The following CHST9 variants were observed in gnomAD, a reference collection of about 807,000 sequenced individuals.
CHST9 encodes the protein carbohydrate sulfotransferase 9.
In CHST9, 41 loss-of-function variants were observed where a neutral mutation model predicts 44.4. The ratio of observed to expected loss-of-function variants is 0.92; its 90% confidence interval spans 0.72 to 1.20. The LOEUF (loss-of-function observed/expected upper bound fraction) is 1.20, where lower values mean the gene tolerates loss of function less well. Among genes scored for constraint, CHST9 ranks in the 50% most tolerant of loss-of-function variants. The pLI, the probability that CHST9 is intolerant of heterozygous loss-of-function variation, is 0.00. For synonymous variants in CHST9, 171 were observed against 178.4 expected (o/e 0.96, Z 0.33); for missense variants, 504 against 516.5 (o/e 0.98, Z 0.23).
intron 1 of CHST9, among the ~76,000 whole-genome samples, chr18:27,180,859 A>G (rs2058906472): frequency 6.6e-6 from 1 of 152,192 alleles, no homozygotes. Context: ...AAGTGTATAT[A>G]AAATTTATCC....
intron 2 of CHST9, among the ~76,000 whole-genome samples, chr18:27,074,368 T>A (rs184161242): frequency 1.1e-4 from 16 of 152,356 alleles, no homozygotes; most frequent in African/African-American, 3.8e-4. Flanking sequence ...ATGACTGGTA[T>A]GAGTTTTCAA....
intron 4 of CHST9, among the ~76,000 whole-genome samples, chr18:26,970,931 C>T (rs531974454): frequency 1.3e-5 from 2 of 152,270 alleles, no homozygotes; most frequent in Admixed American, 6.5e-5. Context: ...AATGTTGTTC[C>T]TTCTGGCAGA....
intron 2 of CHST9, among the ~76,000 whole-genome samples, chr18:27,110,394 C>G (rs971209478): frequency 2.0e-5 from 3 of 152,114 alleles, no homozygotes; most frequent in Non-Finnish European, 2.9e-5. Context: ...CCAGAAGTAT[C>G]TAACTCAAAC....
At chr18:26,967,635 C>T (rs2056484182) in intron 4 of CHST9, among the ~76,000 whole-genome samples, 1 of 152,092 alleles carries the variant, frequency 6.6e-6, no homozygotes, top group Admixed American at 6.6e-5. Flanking sequence ...CGGTTAAATT[C>T]TTAGAAGTGG....
At chr18:27,028,078 G>A (rs1167628491) in intron 3 of CHST9, among the ~76,000 whole-genome samples, 1 of 152,064 alleles carries the variant, frequency 6.6e-6, no homozygotes, top group African/African-American at 2.4e-5. Flanking sequence ...ACCATGCCCA[G>A]CTAATTTTTG....
rs560192257 is a variant in CHST9 at position 26,985,878 on chromosome 18, G to C, written c.202+38238C>G. Among the ~76,000 whole-genome samples, 4 of 152,310 alleles carry C rather than the reference G, an allele frequency of 2.6e-5. No homozygotes were observed. In the South Asian group the frequency reaches 8.3e-4, roughly 32 times the overall value. On this transcript the variant is annotated intron_variant, in intron 4 of 5. Coordinates refer to ENST00000618847, the MANE Select transcript of CHST9 (RefSeq NM_031422.6). The stretch of plus-strand genomic sequence containing the variant: ...ATGCAAAAATCTTCCCAATGTTCGA[G>C]AAGGTCCTGCCTCAGTGTTAATTAG...
At chr18:27,157,834 A>T (rs1036416552) in intron 1 of CHST9, among the ~76,000 whole-genome samples, 1 of 152,162 alleles carries the variant, frequency 6.6e-6, no homozygotes, top group African/African-American at 2.4e-5. Flanking sequence ...ACTGCATTGT[A>T]AAATTTTAAG....
intron 4 of CHST9, among the ~76,000 whole-genome samples, chr18:27,006,897 A>G (rs2057023380): frequency 6.6e-6 from 1 of 152,192 alleles, no homozygotes; most frequent in South Asian, 2.1e-4. Context: ...TGGCAATATC[A>G]AACACAGCAT....
chr18:26,930,966 G>C (rs1322846252), intron 5 of CHST9: 1 of 151,916 alleles, frequency 6.6e-6, no homozygotes, highest in Non-Finnish European at 1.5e-5. Context: ...GGAGAGGGGA[G>C]CTGTTTCTGC....
Position 27,024,126 on chromosome 18 carries a change from T to C in CHST9, c.192A>G (p.Val64=). Residue 64 remains valine, a synonymous_variant, in exon 4 of 6, where the codon GTA becomes GTG. Coordinates refer to ENST00000618847, the MANE Select transcript of CHST9 (RefSeq NM_031422.6). ...GWGPVKYLRP[V]PRIMSTEKIQ... ...GAGGAAGTTACTCACTGATTCTGGG[T>C]ACAGGCCGCAAGTACTTCACTGGTC... The C allele has an allele frequency of 6.2e-7, 1 of 1,612,588 alleles. No individual in the cohort carries two copies. The highest frequency in any genetic ancestry group is 1.1e-5 in the South Asian group (1 of 90,730).
intron 4 of CHST9, among the ~76,000 whole-genome samples, chr18:27,014,945 T>TG (rs2057133602): frequency 6.6e-6 from 1 of 152,148 alleles, no homozygotes; most frequent in African/African-American, 2.4e-5. Flanking sequence ...CAATCCTTAG[T>TG]GGGGGTCACC....
intron 4 of CHST9, among the ~76,000 whole-genome samples, chr18:27,017,556 A>G (rs1598642584): frequency 6.6e-6 from 1 of 152,302 alleles, no homozygotes; most frequent in East Asian, 1.9e-4. Flanking sequence ...AAACTAAACT[A>G]TGGTGAAATA....
rs868608777 is a variant in CHST9 at position 26,944,354 on chromosome 18, T to C, written c.215A>G (p.Lys72Arg). The C allele has an allele frequency of 5.6e-6, 9 of 1,608,008 alleles. No individual in the cohort carries two copies. The Admixed American group carries it at 8.3e-5, about 15-fold the overall frequency. ...RPVPRIMSTE[K>R]IQEHITNQNP... is the part of the protein sequence containing the mutation. The stretch of plus-strand genomic sequence containing the variant: ...CTGGTTGGTGATATGTTCCTGGATT[T>C]TTTCTGTACTCACTGAAAGAGAAAG... Residue 72 changes from lysine to arginine, a missense_variant, in exon 5 of 6, where the codon AAA becomes AGA. By Grantham distance (26) the Lys-to-Arg change is conservative. Coordinates refer to ENST00000618847, the MANE Select transcript of CHST9 (RefSeq NM_031422.6).
chr18:27,175,544 C>T (rs535595952), intron 1 of CHST9, among the ~76,000 whole-genome samples: 5 of 152,044 alleles, frequency 3.3e-5, no homozygotes, highest in Admixed American at 6.6e-5. Context: ...AGAAATAGAA[C>T]GAGGAGTATG....
chr18:27,157,766 TAA>T (rs1229883895), intron 1 of CHST9, among the ~76,000 whole-genome samples: 3 of 151,930 alleles, frequency 2.0e-5, no homozygotes, highest in Non-Finnish European at 4.4e-5. Flanking sequence ...AAATAATATA[TAA>T]CTCTGAAAAT....
At chr18:27,057,484 A>G in intron 2 of CHST9, among the ~76,000 whole-genome samples, 1 of 152,212 alleles carries the variant, frequency 6.6e-6, no homozygotes, top group East Asian at 1.9e-4. Flanking sequence ...TAGCCTCTAT[A>G]TGGCTGTGAA....
At chr18:27,004,914 C>T (rs191190227) in intron 4 of CHST9, among the ~76,000 whole-genome samples, 1 of 152,282 alleles carries the variant, frequency 6.6e-6, no homozygotes, top group Non-Finnish European at 1.5e-5. Context: ...ACTATTTGGA[C>T]TGTGAGTAGT....
chr18:27,110,642 C>A (rs894464937), intron 2 of CHST9, among the ~76,000 whole-genome samples: 4 of 152,186 alleles, frequency 2.6e-5, no homozygotes, highest in African/African-American at 7.2e-5. Context: ...GAGTGGGGAA[C>A]TGGGAGGGAA....
chr18:26,955,545 A>G (rs2056310738), intron 4 of CHST9, among the ~76,000 whole-genome samples: 1 of 152,154 alleles, frequency 6.6e-6, no homozygotes. Context: ...GGTAGGCTGG[A>G]CAGCACAAGT....
Sources: allele counts gnomAD v4.1 joint callset (sites outside exome capture counted in the v4.1 genomes callset), GRCh38; gene constraint gnomAD v4.1.1; transcripts MANE v1.5; gene names NCBI Gene and HGNC (gene_info 2026-07-23, HGNC 2026-07-21).